The following TULP4 variants were observed in gnomAD, a reference collection of about 807,000 sequenced individuals.
The protein encoded by TULP4 is TUB like protein 4.
A neutral mutation model predicts 129.0 loss-of-function variants in TULP4; 16 were observed. The observed-to-expected ratio is 0.12, with a 90% CI of 0.08 to 0.19. The LOEUF is 0.19. TULP4 is among the 10% of genes least tolerant of loss of function. TULP4 has a pLI of 1.00. For synonymous variants in TULP4, 998 were observed against 854.0 expected, an observed-to-expected ratio of 1.17 and a Z score of -2.94; for missense variants, 1,842 against 2,059.1, an observed-to-expected ratio of 0.89 and a Z score of 2.04.
At chr6:158,242,187 G>A in intron 1 of TULP4, 1 of 1,284,830 alleles carries the variant, frequency 7.8e-7, no homozygotes, top group East Asian at 2.3e-5. Context: ...TCTCATCAGT[G>A]TCTTCTGATA....
rs199720242 is a variant in TULP4, at chr6:158,401,050, TTTGTTGTTGTTG to T, written c.253-11991_253-11980del. 6.7e-3 allele frequency among the ~76,000 whole-genome samples: 992 copies of T among 147,204 alleles called. 11 individuals carry two copies. The highest frequency in any genetic ancestry group is 0.022 in the African/African-American group (872 of 39,816). On this transcript the variant is annotated intron_variant, in intron 1 of 13. Transcript: ENST00000367097. ...CCGCCTTTTATGTTTGTTTGGGTTT[TTTGTTGTTGTTG>T]TTGTTGTTGTTGTTGTTGTTGTTTT...
chr6:158,264,677 C>T (rs9348215), intron 1 of TULP4, among the ~76,000 whole-genome samples: 23,624 of 152,044 alleles, frequency 0.16, 2,477 homozygotes, highest in East Asian at 0.43. Flanking sequence ...ATTTAAAAGC[C>T]GGTGATATTT....
intron 3 of TULP4, among the ~76,000 whole-genome samples, chr6:158,432,861 TTTTTGTAG>T (rs1287060759): frequency 1.3e-5 from 2 of 152,202 alleles, no homozygotes; most frequent in Non-Finnish European, 2.9e-5. Flanking sequence ...ACTCCCCACT[TTTTTGTAG>T]TTCTTGTTTT....
chr6:158,310,317 CTTTT>C (rs34198459), upstream of TULP4: 17 of 104,322 alleles, frequency 1.6e-4, no homozygotes, highest in South Asian at 3.4e-4. Flanking sequence ...AGGTGCTACA[CTTTT>C]TTTTTTTTTT....
At chr6:158,432,974 A>G (rs1778664024) in intron 3 of TULP4, among the ~76,000 whole-genome samples, 1 of 152,200 alleles carries the variant, frequency 6.6e-6, no homozygotes, top group Non-Finnish European at 1.5e-5. Flanking sequence ...AGGCACCCCT[A>G]AGAAATTAGC....
At chr6:158,396,183 T>C (rs1777710976) in intron 1 of TULP4, among the ~76,000 whole-genome samples, 1 of 152,192 alleles carries the variant, frequency 6.6e-6, no homozygotes, top group Non-Finnish European at 1.5e-5. Flanking sequence ...ACCTAGTAAA[T>C]ATTAGCTGCC....
chr6:158,330,284 A>G (rs1321329266), intron 1 of TULP4, among the ~76,000 whole-genome samples: 1 of 152,258 alleles, frequency 6.6e-6, no homozygotes, highest in Non-Finnish European at 1.5e-5. Flanking sequence ...GGGCTGTGGC[A>G]GAGCTCCATG....
At chr6:158,361,022 A>AT (rs1196715516) in intron 1 of TULP4, among the ~76,000 whole-genome samples, 1 of 151,836 alleles carries the variant, frequency 6.6e-6, no homozygotes, top group African/African-American at 2.4e-5. Flanking sequence ...GTGCTAACCA[A>AT]TTTTTTTCCA....
At chr6:158,277,704 A>G (rs528206043), upstream of TULP4, among the ~76,000 whole-genome samples, 8 of 152,222 alleles carry the variant, frequency 5.3e-5, no homozygotes, top group South Asian at 2.1e-4. Context: ...CTGGAGGGTA[A>G]CTTTTGGCCT....
At chr6:158,450,268 G>A (rs1779136893) in intron 4 of TULP4, among the ~76,000 whole-genome samples, 1 of 152,204 alleles carries the variant, frequency 6.6e-6, no homozygotes, top group Admixed American at 6.5e-5. Flanking sequence ...GGCACAGTGG[G>A]TGCTTTCTAA....
intron 12 of TULP4, 69 bp downstream of exon 12, chr6:158,498,881 C>G: frequency 6.4e-7 from 1 of 1,570,940 alleles, no homozygotes; most frequent in Non-Finnish European, 8.7e-7. Context: ...GGGGACAGAG[C>G]GGCAAGTTGT....
At chr6:158,332,250 T>A (rs4994220) in intron 1 of TULP4, among the ~76,000 whole-genome samples, 1 of 139,364 alleles carries the variant, frequency 7.2e-6, no homozygotes, top group Non-Finnish European at 1.5e-5. Context: ...AGAGAAACAG[T>A]AAGATATAAA....
At chr6:158,471,993 GC>G (rs778237337) in intron 6 of TULP4, among the ~76,000 whole-genome samples, 38 of 152,166 alleles carry the variant, frequency 2.5e-4, no homozygotes, top group Non-Finnish European at 4.9e-4. Context: ...CTGACTTAGG[GC>G]CCCCTTCCTG....
At chr6:158,408,573 T>C (rs1778017779) in intron 1 of TULP4, among the ~76,000 whole-genome samples, 1 of 152,040 alleles carries the variant, frequency 6.6e-6, no homozygotes, top group African/African-American at 2.4e-5. Context: ...TGTGCTACCA[T>C]GGCTTGCGTC....
At chr6:158,464,490 C>T (rs370406868) in intron 6 of TULP4, among the ~76,000 whole-genome samples, 1 of 152,118 alleles carries the variant, frequency 6.6e-6, no homozygotes, top group Non-Finnish European at 1.5e-5. Context: ...GCTGCAACAC[C>T]CCCCGCCGCA....
chr6:158,493,713 C>T lies in TULP4; in HGVS notation c.1772C>T (p.Thr591Ile). Reference protein sequence around the residue: ...TRREFPFEDITQHNYLAQVTS... With the variant: ...TRREFPFEDIIQHNYLAQVTS... ...AGAGAGTTTCCTTTTGAAGACATCACTCAGGTAGGAGCCCCCAGTTACCCT... is the reference window on the plus strand; with the variant it reads ...AGAGAGTTTCCTTTTGAAGACATCATTCAGGTAGGAGCCCCCAGTTACCCT... The change falls in exon 10 of 14, where the codon ACT (threonine) becomes ATT (isoleucine). Residue 591 changes from threonine (T) to isoleucine (I), a missense_variant. Around this residue, in one of 5 missense-constraint regions of TULP4, gnomAD observed 456 missense variants for 534.3 expected, o/e 0.85. Coordinates refer to ENST00000367097, the MANE Select transcript of TULP4 (RefSeq NM_020245.5). This position sits in a 1 kb window ranked among gnomAD's most constrained non-coding sequence, Gnocchi z 4.4. The T allele has an allele frequency of 6.4e-7, 1 of 1,564,948 alleles. No homozygotes were observed. Among genetic ancestry groups the T allele is most frequent in the East Asian group, 2.4e-5 (1 of 41,996 alleles).
chr6:158,448,925 C>G (rs76096537), intron 3 of TULP4, 71 bp from the exon 4 acceptor site: 107 of 1,475,322 alleles, frequency 7.3e-5, no homozygotes, highest in Non-Finnish European at 8.9e-5. Flanking sequence ...TAAAACAAAT[C>G]GAGGCAACAA....
chr6:158,295,379 A>G (rs957920370), intron 1 of TULP4, among the ~76,000 whole-genome samples: 2 of 152,206 alleles, frequency 1.3e-5, no homozygotes, highest in African/African-American at 4.8e-5. Flanking sequence ...CTTCCTTACT[A>G]ATTTTTCTAA....
At chr6:158,421,542 C>G (rs919905742) in intron 2 of TULP4, among the ~76,000 whole-genome samples, 5 of 152,036 alleles carry the variant, frequency 3.3e-5, no homozygotes, top group African/African-American at 9.7e-5. Context: ...TTTGTGCAGC[C>G]CAAAGTTCTT....
Sources: allele counts gnomAD v4.1 joint callset (sites outside exome capture counted in the v4.1 genomes callset), GRCh38; gene constraint gnomAD v4.1.1; regional missense constraint gnomAD v4.1.1; non-coding constraint Gnocchi (gnomAD v3.1); transcripts MANE v1.5; gene names NCBI Gene and HGNC (gene_info 2026-07-23, HGNC 2026-07-21).